The following ABCB1 variants were observed in gnomAD, a reference collection of about 807,000 sequenced individuals.
ABCB1 encodes ATP-dependent translocase ABCB1.
A neutral mutation model predicts 142.0 loss-of-function variants in ABCB1; 69 were observed. That is an observed-to-expected ratio of 0.49 (90% confidence interval 0.40 to 0.59). The LOEUF (loss-of-function observed/expected upper bound fraction) is 0.59. ABCB1 is among the 20% of genes least tolerant of loss of function. The pLI is 0.00. For missense variants in ABCB1, 1,326 were observed against 1,554.7 expected (o/e 0.85, Z 2.47); for synonymous variants, 532 against 539.2 (o/e 0.99, Z 0.18).
intron 1 of ABCB1, among the ~76,000 whole-genome samples, chr7:87,691,570 C>G (rs547161216): frequency 2.6e-5 from 4 of 152,120 alleles, no homozygotes; most frequent in Non-Finnish European, 5.9e-5. Context: ...AAATAAGAAC[C>G]CCTTCTACAA....
At chr7:87,528,140 C>A (rs916322029) in intron 21 of ABCB1, among the ~76,000 whole-genome samples, 1 of 152,184 alleles carries the variant, frequency 6.6e-6, no homozygotes, top group Non-Finnish European at 1.5e-5. Flanking sequence ...TTACCTCCCA[C>A]TGGGACCCTC....
At position 87,507,815 on chromosome 7, in the gene ABCB1, T is replaced by C. The variant is rs558980794; in HGVS notation, c.3489+1460A>G. ...CTAGGTTGAGAAGCACTTCAAAATA[T>C]AGGACCTAACTTTTGCAGCAACATG... On this transcript the variant is annotated intron_variant, in intron 26 of 27. Coordinates refer to ENST00000622132, the MANE Select transcript of ABCB1 (RefSeq NM_001348946.2). 3.2e-4 allele frequency among the ~76,000 whole-genome samples: 48 copies of C among 152,300 alleles called. No homozygotes were observed. In the East Asian group the frequency reaches 3.9e-3, roughly 12 times the overall value.
At chr7:87,528,837 A>T (rs1209673632) in intron 21 of ABCB1, among the ~76,000 whole-genome samples, 6 of 152,212 alleles carry the variant, frequency 3.9e-5, no homozygotes, top group Admixed American at 2.6e-4. Context: ...TAATTTTGGG[A>T]TATGAATAAC....
chr7:87,664,397 G>C (rs1182824675), intron 1 of ABCB1, among the ~76,000 whole-genome samples: 1 of 152,104 alleles, frequency 6.6e-6, no homozygotes, highest in East Asian at 1.9e-4. Flanking sequence ...CAAGGAAGCA[G>C]GAAAATGTGA....
intron 18 of ABCB1, among the ~76,000 whole-genome samples, chr7:87,539,779 T>C (rs1816452109): frequency 6.6e-6 from 1 of 152,200 alleles, no homozygotes; most frequent in African/African-American, 2.4e-5. Context: ...ATAGACTTTG[T>C]TCTCACCTGT....
intron 1 of ABCB1, among the ~76,000 whole-genome samples, chr7:87,608,318 C>T (rs760651984): frequency 8.5e-5 from 13 of 152,072 alleles, no homozygotes; most frequent in South Asian, 4.2e-4. Context: ...GTCTATATTC[C>T]GAATGTTTAC....
At chr7:87,710,702 C>A (rs779058100) in intron 1 of ABCB1, 1 of 1,035,802 alleles carries the variant, frequency 9.7e-7, no homozygotes, top group Admixed American at 2.2e-5. Flanking sequence ...AAAGAATCAC[C>A]TGAAGACTCA....
At chr7:87,686,352 T>C (rs977243868) in intron 1 of ABCB1, among the ~76,000 whole-genome samples, 2 of 152,178 alleles carry the variant, frequency 1.3e-5, no homozygotes, top group Non-Finnish European at 2.9e-5. Context: ...AATAGAAGTA[T>C]ATTAACGAGC....
chr7:87,602,630 C>A (rs1255727678), upstream of ABCB1, among the ~76,000 whole-genome samples: 1 of 152,054 alleles, frequency 6.6e-6, no homozygotes, highest in Non-Finnish European at 1.5e-5. Flanking sequence ...AAATACAGTG[C>A]TATACTGTTA....
rs1450599397 is a variant in ABCB1, at chr7:87,626,761, GTCATATATATGTC to G, written c.-330-25696_-330-25684del. ...TGTGTCATATATATGTCATATATAT[GTCATATATATGTC>G]AGAGAGAGAGAGAGAGAGAGAGATG... On this transcript the variant is annotated intron_variant, in intron 1 of 28. Coordinates refer to the ABCB1 transcript ENST00000265724. Among the ~76,000 whole-genome samples, 62 of 138,446 alleles carry G rather than the reference GTCATATATATGTC, an allele frequency of 4.5e-4. 2 individuals carry two copies. The highest frequency in any genetic ancestry group is 8.7e-4 in the East Asian group (4 of 4,618). The allele number at this position is 138,446 out of a possible 152,430, so 90.8% of individuals were successfully genotyped here. A position where few individuals can be genotyped will look rare whatever the true frequency, so the allele number is the denominator to read the frequency against.
intron 3 of ABCB1, among the ~76,000 whole-genome samples, chr7:87,589,805 GGAGAGAGAGA>G (rs370840500): frequency 1.9e-5 from 2 of 105,390 alleles, no homozygotes; most frequent in Middle Eastern, 5.2e-3. Context: ...GAGAGAGAGA[GGAGAGAGAGA>G]GAGAGAGAGA....
At chr7:87,545,430 T>G (rs1004912842) in intron 15 of ABCB1, among the ~76,000 whole-genome samples, 2 of 152,244 alleles carry the variant, frequency 1.3e-5, no homozygotes, top group Non-Finnish European at 2.9e-5. Flanking sequence ...AGTTATATAT[T>G]TTATTTCACC....
chr7:87,584,526 C>A (rs749781393), intron 4 of ABCB1, among the ~76,000 whole-genome samples: 25 of 152,074 alleles, frequency 1.6e-4, no homozygotes, highest in Non-Finnish European at 3.4e-4. Flanking sequence ...CAACCCATTC[C>A]TCCCCAATCG....
At chr7:87,604,641 T>C (rs748698374), upstream of ABCB1, among the ~76,000 whole-genome samples, 4 of 152,100 alleles carry the variant, frequency 2.6e-5, no homozygotes, top group Non-Finnish European at 5.9e-5. Flanking sequence ...AAAATCCAGA[T>C]TCCGAAGGTC....
chr7:87,575,556 A>G (rs572922119), intron 4 of ABCB1, among the ~76,000 whole-genome samples: 9 of 151,922 alleles, frequency 5.9e-5, no homozygotes, highest in African/African-American at 1.9e-4. Flanking sequence ...TTTTCTACCC[A>G]TTTAAGAAGC....
intron 26 of ABCB1, 22 bp from the exon 27 acceptor site, chr7:87,506,065 T>G: frequency 1.2e-6 from 2 of 1,611,850 alleles, no homozygotes; most frequent in Non-Finnish European, 1.7e-6. Flanking sequence ...GTTTTGTTGT[T>G]ATGAAAGTAG....
intron 1 of ABCB1, among the ~76,000 whole-genome samples, chr7:87,707,099 TCTGA>T (rs1327160854): frequency 6.6e-6 from 1 of 152,162 alleles, no homozygotes; most frequent in Non-Finnish European, 1.5e-5. Flanking sequence ...TTTCTAGTAC[TCTGA>T]CTGACTGCCA....
intron 4 of ABCB1, among the ~76,000 whole-genome samples, chr7:87,584,585 C>T (rs1202184): frequency 0.4 from 61,328 of 152,004 alleles, 14,911 homozygotes; most frequent in East Asian, 0.69. Context: ...GTATGTTACA[C>T]CCAGATTATT....
chr7:87,541,371 T>C lies in ABCB1; in HGVS notation c.2305A>G (p.Thr769Ala), dbSNP rs1250849808. ...FLALGIISFI[T>A]FFLQGFTFGK... ...GAAACATTTACCTGAAGGAAAAATG[T>C]AATAAAAGAAATAATTCCAAGGGCT... is the stretch of plus-strand genomic sequence containing the variant. The change falls in exon 18 of 28, where the codon ACA (threonine) becomes GCA (alanine). Residue 769 changes from threonine to alanine, a missense_variant. Coordinates refer to ENST00000622132, the MANE Select transcript of ABCB1 (RefSeq NM_001348946.2). 1 of 1,573,092 alleles carries C rather than the reference T, an allele frequency of 6.4e-7. No individual in the cohort carries two copies. Among genetic ancestry groups the C allele is most frequent in the South Asian group, 1.1e-5 (1 of 90,228 alleles).
Sources: allele counts gnomAD v4.1 joint callset (sites outside exome capture counted in the v4.1 genomes callset), GRCh38; gene constraint gnomAD v4.1.1; transcripts MANE v1.5; gene names NCBI Gene and HGNC (gene_info 2026-07-23, HGNC 2026-07-21).